GLMN: variants seen among roughly 807,000 people sequenced by gnomAD.
GLMN encodes the protein glomulin, FKBP associated protein, also known as glomulin.
A neutral mutation model predicts 87.8 loss-of-function variants in GLMN; 75 were observed. That is an observed-to-expected ratio of 0.85 (90% CI 0.71 to 1.04). The LOEUF (loss-of-function observed/expected upper bound fraction) is 1.04. GLMN is among the 50% of genes least tolerant of loss of function. The pLI is 0.00. For synonymous variants in GLMN, 206 were observed against 221.6 expected, an observed-to-expected ratio of 0.93 and a Z score of 0.63; for missense variants, 588 against 658.8, an observed-to-expected ratio of 0.89 and a Z score of 1.18.
At chr1:92,343,998 G>A in the GLMN span, among the ~76,000 whole-genome samples, 6 of 152,096 alleles carry the variant, frequency 3.9e-5, no homozygotes, top group African/African-American at 1.4e-4. Flanking sequence ...TCCATTCTTC[G>A]TTCCTCCCCA....
chr1:92,263,898 C>A (rs556520763), intron 14 of GLMN, among the ~76,000 whole-genome samples, 166 bp from the exon 15 acceptor site: 2 of 152,310 alleles, frequency 1.3e-5, no homozygotes, highest in East Asian at 3.9e-4. Context: ...ACGAACCCTG[C>A]CAGTTTGAGA....
chr1:92,278,249 T>A (rs957778002), intron 7 of GLMN, among the ~76,000 whole-genome samples: 5 of 152,148 alleles, frequency 3.3e-5, no homozygotes, highest in Admixed American at 6.5e-5. Context: ...TCAAAATACA[T>A]ATCATATGTG....
chr1:92,280,998 C>T (rs947539070), intron 7 of GLMN, among the ~76,000 whole-genome samples: 12 of 152,150 alleles, frequency 7.9e-5, no homozygotes, highest in African/African-American at 2.9e-4. Flanking sequence ...TTGATTGGTG[C>T]ACCGGAAAGT....
intron 13 of GLMN, among the ~76,000 whole-genome samples, chr1:92,265,311 G>A (rs1226363357): frequency 1.5e-5 from 2 of 134,564 alleles, no homozygotes; most frequent in Non-Finnish European, 3.1e-5. Context: ...CAGTGCTAGA[G>A]TAGCTTAATT....
At chr1:92,264,978 A>G (rs1277054811) in intron 13 of GLMN, among the ~76,000 whole-genome samples, 3 of 152,124 alleles carry the variant, frequency 2.0e-5, no homozygotes, top group African/African-American at 7.2e-5. Context: ...AGTAGCTGTG[A>G]TTACAGGCGC....
the GLMN span, among the ~76,000 whole-genome samples, chr1:92,360,085 A>G: frequency 1.3e-5 from 2 of 152,236 alleles, no homozygotes; most frequent in Admixed American, 1.3e-4. Context: ...TAAGATTCAG[A>G]CTCAGACCCT....
the GLMN span, among the ~76,000 whole-genome samples, chr1:92,356,789 G>A: frequency 0.012 from 1,841 of 151,638 alleles, 38 homozygotes; most frequent in African/African-American, 0.041. Context: ...TGGGCCAGGC[G>A]CAGTGGCTCA....
At chr1:92,327,352 C>A in the GLMN span, among the ~76,000 whole-genome samples, 1 of 152,144 alleles carries the variant, frequency 6.6e-6, no homozygotes, top group East Asian at 1.9e-4. Flanking sequence ...GGTTTAGATG[C>A]ATATTTATTT....
chr1:92,268,112 T>C lies in GLMN; in HGVS notation c.1001A>G (p.Lys334Arg). The stretch of plus-strand genomic sequence containing the variant: ...TGGGAACAAACATCTTACCAATCCT[T>C]TGGAGATAACAGACTCTTCTGTTCT... ...LQRTEESVIS[K>R]GLELLENSLL... Residue 334 changes from lysine to arginine, a missense_variant, in exon 10 of 19, where the codon AAA becomes AGA. Physicochemically the swap from Lys to Arg is conservative, Grantham distance 26 (BLOSUM62 2). Transcript: ENST00000370360. 1 of 1,453,922 alleles carries C rather than the reference T, an allele frequency of 6.9e-7. No homozygotes were observed. Among genetic ancestry groups the C allele is most frequent in the African/African-American group, 1.4e-5 (1 of 71,908 alleles). The allele number at this position is 1,453,922 out of a possible 1,614,324, so 90.1% of individuals were successfully genotyped here. A position where few individuals can be genotyped will look rare whatever the true frequency, so the allele number is the denominator to read the frequency against.
At chr1:92,347,176 A>T in the GLMN span, among the ~76,000 whole-genome samples, 16 of 152,312 alleles carry the variant, frequency 1.1e-4, no homozygotes, top group East Asian at 2.9e-3. Flanking sequence ...CCTGATATAA[A>T]TTTTTTATCA....
upstream of GLMN, among the ~76,000 whole-genome samples, chr1:92,301,071 C>A (rs766861042): frequency 1.4e-4 from 22 of 152,298 alleles, no homozygotes; most frequent in African/African-American, 5.1e-4. Flanking sequence ...TATGCTGAGA[C>A]CTGCGTGCTA....
At chr1:92,300,356 G>A, upstream of GLMN, 2 of 774,688 alleles carry the variant, frequency 2.6e-6, no homozygotes, top group Non-Finnish European at 2.1e-6. Flanking sequence ...TCATGAGAGG[G>A]AAGGGAAAGA....
intron 14 of GLMN, 91 bp from the exon 15 acceptor site, chr1:92,263,823 G>A: frequency 1.3e-6 from 1 of 777,342 alleles, no homozygotes; most frequent in South Asian, 1.4e-5. Flanking sequence ...ATGAAGAATT[G>A]CACATTTAAA....
upstream of GLMN, among the ~76,000 whole-genome samples, chr1:92,300,877 A>G (rs1181969825): frequency 1.3e-5 from 2 of 152,244 alleles, no homozygotes; most frequent in African/African-American, 4.8e-5. Context: ...GTTCTTGCCT[A>G]GTGGAACAGA....
chr1:92,266,341 G>T, intron 13 of GLMN, 78 bp downstream of exon 13: 1 of 792,838 alleles, frequency 1.3e-6, no homozygotes, highest in Non-Finnish European at 2.3e-6. Context: ...GACATACTAT[G>T]CCCTAAAACA....
At chr1:92,253,245 C>CTGAA (rs1570834566) in intron 16 of GLMN, among the ~76,000 whole-genome samples, 1 of 152,248 alleles carries the variant, frequency 6.6e-6, no homozygotes, top group East Asian at 1.9e-4. Flanking sequence ...CAGGGCATCT[C>CTGAA]TGAAAGAAAG....
chr1:92,308,281 C>T, the GLMN span, among the ~76,000 whole-genome samples: 4 of 152,138 alleles, frequency 2.6e-5, no homozygotes, highest in Non-Finnish European at 5.9e-5. Flanking sequence ...ATAATTAAGA[C>T]TAAATTGTTC....
At chr1:92,304,953 G>A in the GLMN span, among the ~76,000 whole-genome samples, 1 of 151,632 alleles carries the variant, frequency 6.6e-6, no homozygotes, top group African/African-American at 2.4e-5. Flanking sequence ...CCTGGGCAAC[G>A]GCAAAACCCT....
the GLMN span, among the ~76,000 whole-genome samples, chr1:92,318,430 A>C: frequency 6.6e-6 from 1 of 152,194 alleles, no homozygotes; most frequent in African/African-American, 2.4e-5. Context: ...TCTGATATCC[A>C]AGCCTACATT....
Sources: gnomAD v4.1 joint callset for allele counts (sites outside exome capture counted in the v4.1 genomes callset) on GRCh38, gnomAD v4.1.1 for gene constraint, MANE v1.5 for transcripts, NCBI Gene and HGNC (gene_info 2026-07-23, HGNC 2026-07-21) for gene names.